Variants in DHDDS observed in about 807,000 individuals in gnomAD.
The protein encoded by DHDDS is dehydrodolichyl diphosphate synthase subunit.
A neutral mutation model predicts 46.2 loss-of-function variants in DHDDS; 16 were observed. That is an observed-to-expected ratio of 0.35 (90% confidence interval 0.23 to 0.53). The LOEUF (loss-of-function observed/expected upper bound fraction) is 0.53, where lower values mean the gene tolerates loss of function less well. DHDDS is among the 20% of genes least tolerant of loss of function. The probability of loss-of-function intolerance (pLI) is 0.94; values close to 1 mark genes in which losing one functional copy is unlikely to be tolerated. For missense variants in DHDDS, 340 were observed against 423.7 expected, an observed-to-expected ratio of 0.80 and a Z score of 1.73; for synonymous variants, 151 against 163.1, an observed-to-expected ratio of 0.93 and a Z score of 0.56.
chr1:26,454,996 A>G, intron 6 of DHDDS: 2 of 1,497,882 alleles, frequency 1.3e-6, no homozygotes, highest in Non-Finnish European at 9.3e-7. Flanking sequence ...CAGCTCCACC[A>G]TTGTAACGTC....
intron 4 of DHDDS, 62 bp downstream of exon 4, chr1:26,442,935 T>G (rs1172234222): frequency 6.2e-7 from 1 of 1,611,612 alleles, no homozygotes; most frequent in Non-Finnish European, 8.5e-7. Context: ...TCCTAACCCT[T>G]GAAATTCTGT....
At chr1:26,435,303 C>T (rs1046280428) in intron 2 of DHDDS, among the ~76,000 whole-genome samples, 2 of 152,078 alleles carry the variant, frequency 1.3e-5, no homozygotes, top group Non-Finnish European at 2.9e-5. Flanking sequence ...AGCCACTGCG[C>T]CCGGCTGAAA....
chr1:26,464,259 C>G (rs2075458614), intron 8 of DHDDS, among the ~76,000 whole-genome samples: 1 of 152,130 alleles, frequency 6.6e-6, no homozygotes, highest in Admixed American at 6.5e-5. Context: ...TCCGAAAGTG[C>G]TAGGATTACA....
chr1:26,437,259 T>A (rs2075169088), intron 2 of DHDDS, among the ~76,000 whole-genome samples: 1 of 152,178 alleles, frequency 6.6e-6, no homozygotes, highest in Non-Finnish European at 1.5e-5. Context: ...AAGATAATAC[T>A]ATTTACTTTA....
intron 2 of DHDDS, among the ~76,000 whole-genome samples, chr1:26,437,898 T>G (rs1377244057): frequency 6.6e-6 from 1 of 152,118 alleles, no homozygotes. Context: ...GGAGGATCAC[T>G]TGAGCCCAGG....
At chr1:26,445,039 G>C (rs2075254983) in intron 4 of DHDDS, among the ~76,000 whole-genome samples, 1 of 151,370 alleles carries the variant, frequency 6.6e-6, no homozygotes, top group Non-Finnish European at 1.5e-5. Context: ...TAATTAAGAA[G>C]ACAAGCTCTG....
intron 8 of DHDDS, among the ~76,000 whole-genome samples, chr1:26,463,992 CTTTTTT>C (rs60149042): frequency 5.3e-5 from 5 of 93,768 alleles, no homozygotes; most frequent in Admixed American, 1.3e-4. Context: ...TATTTGCAAA[CTTTTTT>C]TTTTTTTTTT....
intron 4 of DHDDS, 33 bp from the exon 5 acceptor site, chr1:26,446,283 C>T (rs149634175): frequency 1.2e-6 from 2 of 1,603,452 alleles, no homozygotes; most frequent in African/African-American, 1.3e-5. Flanking sequence ...CAGCAGGGGC[C>T]CTATCCCAAT....
chr1:26,458,334 T>C (rs1002037546), intron 7 of DHDDS, among the ~76,000 whole-genome samples: 6 of 152,184 alleles, frequency 3.9e-5, no homozygotes, highest in Non-Finnish European at 5.9e-5. Context: ...CCCTGTTAAC[T>C]TGGTCCCTGG....
In DHDDS at chr1:26,432,904, T is replaced by A; in HGVS notation, c.-42T>A. On this transcript the variant is annotated 5_prime_UTR_variant, in exon 2 of 9. Transcript: ENST00000236342. ...TGTTTATCCAAGATTACCTGGCTGG[T>A]GTTTGCTTGTTCTGGAGTGATCTTC... The A allele has an allele frequency of 6.2e-7, 1 of 1,602,542 alleles. No homozygotes were observed. Among genetic ancestry groups the A allele is most frequent in the Non-Finnish European group, 8.6e-7 (1 of 1,169,504 alleles).
chr1:26,457,134 G>T (rs1350152932), intron 6 of DHDDS, among the ~76,000 whole-genome samples: 2 of 152,020 alleles, frequency 1.3e-5, no homozygotes, highest in Non-Finnish European at 2.9e-5. Flanking sequence ...TTGAGCCTCA[G>T]TTTCCTTATC....
intron 2 of DHDDS, among the ~76,000 whole-genome samples, chr1:26,437,855 G>A (rs1185837319): frequency 1.3e-5 from 2 of 151,872 alleles, no homozygotes; most frequent in African/African-American, 4.8e-5. Context: ...GCATGTGCTG[G>A]TAGCCCTGGC....
Position 26,442,807 on chromosome 1 carries a change from C to G in DHDDS, c.257C>G (p.Ser86Cys). 1 of 1,614,114 alleles carries G rather than the reference C, an allele frequency of 6.2e-7. No homozygotes were observed. ...YAFSIENFKR[S>C]KSEVDGLMDL... is the part of the protein sequence containing the mutation. ...TTCAGCATTGAGAACTTCAAACGCT[C>G]CAAGAGTGAGGTAGACGGGCTTATG... Residue 86 changes from serine (S) to cysteine (C), a missense_variant, in exon 4 of 9, where the codon TCC becomes TGC. By Grantham distance (112) the Ser-to-Cys change is moderately radical (BLOSUM62 -1). This residue lies in a region of DHDDS where 72 missense variants were observed against 123.5 expected (regional missense o/e 0.58). Coordinates refer to ENST00000236342, the MANE Select transcript of DHDDS (RefSeq NM_205861.3).
rs2075522251 is a variant in DHDDS, at chr1:26,468,975, G to T, written c.846G>T (p.Leu282=). The stretch of plus-strand genomic sequence containing the variant: ...AGGCTACAGTGACAGAGCAGCTGCT[G>T]CGAGAGGGGCTCCAAGCCAGTGGGG... ...RDQATVTEQL[L]REGLQASGDA... Residue 282 remains leucine (L), a synonymous_variant, in exon 9 of 9, where the codon CTG becomes CTT. Transcript: ENST00000236342. 6.2e-7 allele frequency: 1 copy of T among 1,614,112 alleles called. No homozygotes were observed. Among genetic ancestry groups the T allele is most frequent in the Admixed American group, 1.7e-5 (1 of 60,036 alleles).
intron 2 of DHDDS, among the ~76,000 whole-genome samples, chr1:26,434,238 G>A (rs1413485482): frequency 1.3e-5 from 2 of 152,176 alleles, no homozygotes; most frequent in Admixed American, 1.3e-4. Context: ...AGGAATCACA[G>A]CAATATTATA....
At chr1:26,457,952 A>C (rs367614424) in intron 7 of DHDDS, 47 bp downstream of exon 7, 2 of 1,515,266 alleles carry the variant, frequency 1.3e-6, no homozygotes, top group Non-Finnish European at 1.8e-6. Flanking sequence ...GGGGAAACCA[A>C]CTGTATCCAC....
At chr1:26,465,326 C>T (rs1409652909) in intron 8 of DHDDS, among the ~76,000 whole-genome samples, 2 of 152,116 alleles carry the variant, frequency 1.3e-5, no homozygotes, top group African/African-American at 4.8e-5. Context: ...CTATCTTCTC[C>T]TCAGGATAAA....
chr1:26,462,551 A>G (rs2075434640), intron 8 of DHDDS, among the ~76,000 whole-genome samples: 1 of 152,154 alleles, frequency 6.6e-6, no homozygotes, highest in Admixed American at 6.5e-5. Context: ...GTTTTAAATC[A>G]GCTATAGACA....
intron 6 of DHDDS, among the ~76,000 whole-genome samples, chr1:26,454,204 C>T (rs1433665722): frequency 6.6e-6 from 1 of 152,156 alleles, no homozygotes; most frequent in African/African-American, 2.4e-5. Flanking sequence ...CTGCCCGCCT[C>T]GGCCTCCCAA....
Sources: allele counts gnomAD v4.1 joint callset (sites outside exome capture counted in the v4.1 genomes callset), GRCh38; gene constraint gnomAD v4.1.1; regional missense constraint gnomAD v4.1.1; transcripts MANE v1.5; gene names NCBI Gene and HGNC (gene_info 2026-07-23, HGNC 2026-07-21).